GALNTL6: variants seen among roughly 807,000 people sequenced by gnomAD.
The protein encoded by GALNTL6 is polypeptide N-acetylgalactosaminyltransferase-like 6.
Under a neutral mutation model 73.7 loss-of-function variants are expected in GALNTL6, and 46 were observed. That is an observed-to-expected ratio of 0.62 (90% CI 0.49 to 0.80). The LOEUF (loss-of-function observed/expected upper bound fraction) is 0.80. Among genes scored for constraint, GALNTL6 ranks in the 30% least tolerant of loss-of-function variants. The probability of loss-of-function intolerance (pLI) is 0.00; values close to 1 mark genes in which losing one functional copy is unlikely to be tolerated. For synonymous variants in GALNTL6, 259 were observed against 263.7 expected (o/e 0.98, Z 0.17); for missense variants, 604 against 755.0 (o/e 0.80, Z 2.34).
chr4:172,183,886 A>G (rs566521206), intron 2 of GALNTL6, among the ~76,000 whole-genome samples: 128 of 146,222 alleles, frequency 8.8e-4, no homozygotes, highest in Middle Eastern at 3.6e-3. Context: ...TCCACCTCCC[A>G]GGTTCAAGTG....
intron 5 of GALNTL6, among the ~76,000 whole-genome samples, chr4:172,756,751 G>C (rs549162615): frequency 6.6e-6 from 1 of 152,204 alleles, no homozygotes; most frequent in East Asian, 1.9e-4. Flanking sequence ...CCTCTTTTAG[G>C]ACAAAGACAT....
chr4:172,163,019 G>A (rs1165478654), intron 2 of GALNTL6, among the ~76,000 whole-genome samples: 2 of 152,036 alleles, frequency 1.3e-5, no homozygotes, highest in East Asian at 1.9e-4. Context: ...GCAGCACAGA[G>A]CCAGATAAAT....
intron 5 of GALNTL6, among the ~76,000 whole-genome samples, chr4:172,430,475 G>A (rs1731403900): frequency 1.3e-5 from 2 of 152,036 alleles, no homozygotes; most frequent in Non-Finnish European, 2.9e-5. Context: ...ATTCCCAGAA[G>A]GATAAGAAGT....
At chr4:172,046,198 T>A (rs12642290) in intron 2 of GALNTL6, among the ~76,000 whole-genome samples, 1 of 152,068 alleles carries the variant, frequency 6.6e-6, no homozygotes, top group Non-Finnish European at 1.5e-5. Flanking sequence ...TTGTGGATGA[T>A]GTTGCAATAA....
At chr4:172,706,974 A>G (rs10000607) in intron 5 of GALNTL6, among the ~76,000 whole-genome samples, 6,668 of 152,148 alleles carry the variant, frequency 0.044, 284 homozygotes, top group African/African-American at 0.11. Context: ...AGTACTTCCT[A>G]TGGGTTGGGG....
At chr4:172,188,552 C>T (rs908570603) in intron 2 of GALNTL6, among the ~76,000 whole-genome samples, 10 of 152,016 alleles carry the variant, frequency 6.6e-5, no homozygotes, top group Non-Finnish European at 7.4e-5. Context: ...CCAACTGCAC[C>T]GAATATTGCT....
At chr4:172,117,034 T>C (rs1017082085) in intron 2 of GALNTL6, among the ~76,000 whole-genome samples, 7 of 152,186 alleles carry the variant, frequency 4.6e-5, no homozygotes, top group African/African-American at 1.7e-4. Flanking sequence ...TTATTTGTTC[T>C]AGCAAAATTA....
intron 7 of GALNTL6, among the ~76,000 whole-genome samples, chr4:172,825,441 C>T (rs57084943): frequency 0.013 from 2,044 of 152,148 alleles, 44 homozygotes; most frequent in African/African-American, 0.046. Context: ...AGATGTTTGC[C>T]GTTTCTGTGT....
chr4:172,378,189 G>A (rs1743120986), intron 5 of GALNTL6, among the ~76,000 whole-genome samples: 2 of 152,282 alleles, frequency 1.3e-5, no homozygotes, highest in Non-Finnish European at 2.9e-5. Flanking sequence ...TTCTAATATT[G>A]AAGTTATAGT....
chr4:172,855,901 G>A (rs1313628789), intron 7 of GALNTL6, among the ~76,000 whole-genome samples: 2 of 152,200 alleles, frequency 1.3e-5, no homozygotes, highest in Non-Finnish European at 2.9e-5. Flanking sequence ...CCCACTGTCT[G>A]TGGTGCAATC....
chr4:172,386,261 A>C (rs1161742284), intron 5 of GALNTL6, among the ~76,000 whole-genome samples: 2 of 152,184 alleles, frequency 1.3e-5, no homozygotes, highest in Non-Finnish European at 2.9e-5. Flanking sequence ...AGTGGCCTAA[A>C]GAGCACACAT....
chr4:172,478,980 C>T (rs1480171263), intron 5 of GALNTL6, among the ~76,000 whole-genome samples: 2 of 152,218 alleles, frequency 1.3e-5, no homozygotes, highest in Admixed American at 1.3e-4. Flanking sequence ...TTACCCTAGT[C>T]AGAATAGTCA....
intron 2 of GALNTL6, among the ~76,000 whole-genome samples, chr4:171,832,474 G>A (rs980557082): frequency 4.6e-5 from 7 of 151,314 alleles, no homozygotes; most frequent in Non-Finnish European, 8.9e-5. Flanking sequence ...TGAATAGATA[G>A]GGAGGTAGAT....
intron 5 of GALNTL6, among the ~76,000 whole-genome samples, chr4:172,743,304 T>A (rs1230676458): frequency 6.6e-6 from 1 of 151,990 alleles, no homozygotes; most frequent in African/African-American, 2.4e-5. Flanking sequence ...CCCCTCAGGC[T>A]CCACTAAAAA....
At chr4:171,873,866 GTTGAAGGAGGGA>G (rs1236184701) in intron 2 of GALNTL6, among the ~76,000 whole-genome samples, 1 of 152,088 alleles carries the variant, frequency 6.6e-6, no homozygotes, top group East Asian at 1.9e-4. Context: ...TGAATGTGGA[GTTGAAGGAGGGA>G]CATGACATTA....
At chr4:173,034,460 A>G (rs1261962860) in intron 12 of GALNTL6, among the ~76,000 whole-genome samples, 1 of 152,024 alleles carries the variant, frequency 6.6e-6, no homozygotes, top group Non-Finnish European at 1.5e-5. Flanking sequence ...CTCCAGCTAT[A>G]CCATATGACT....
intron 2 of GALNTL6, among the ~76,000 whole-genome samples, chr4:171,856,166 G>A (rs957318023): frequency 2.0e-5 from 3 of 152,048 alleles, no homozygotes; most frequent in African/African-American, 4.8e-5. Flanking sequence ...GCAGTGGCGA[G>A]ATCTTGGCTC....
intron 5 of GALNTL6, among the ~76,000 whole-genome samples, chr4:172,357,634 T>TATATACAC (rs138075846): frequency 1.0e-4 from 15 of 145,750 alleles, no homozygotes; most frequent in African/African-American, 3.9e-4. Flanking sequence ...TATAGATATA[T>TATATACAC]ACACACACAC....
At chr4:173,009,674 CTG>C (rs1285028762) in intron 11 of GALNTL6, among the ~76,000 whole-genome samples, 1 of 152,150 alleles carries the variant, frequency 6.6e-6, no homozygotes, top group Non-Finnish European at 1.5e-5. Context: ...CTCTGCTGTT[CTG>C]TGTTTGTGAT....
Sources: gnomAD v4.1 joint callset for allele counts (sites outside exome capture counted in the v4.1 genomes callset) on GRCh38, gnomAD v4.1.1 for gene constraint, MANE v1.5 for transcripts, NCBI Gene and HGNC (gene_info 2026-07-23, HGNC 2026-07-21) for gene names.